The following NR2F1-AS1 variants were observed in gnomAD, a reference collection of about 807,000 sequenced individuals.
NR2F1-AS1 encodes NR2F1 antisense RNA 1.
intron 1 of NR2F1-AS1, among the ~76,000 whole-genome samples, chr5:93,567,626 T>C (rs1007520116): frequency 4.6e-5 from 7 of 152,166 alleles, no homozygotes; most frequent in Non-Finnish European, 1.0e-4. Flanking sequence ...AATCCATCAT[T>C]CAGAGCTGTT....
chr5:93,421,588 A>G (rs1749089783), intron 4 of NR2F1-AS1, among the ~76,000 whole-genome samples: 1 of 152,116 alleles, frequency 6.6e-6, no homozygotes, highest in Non-Finnish European at 1.5e-5. Flanking sequence ...TGAAAGTTAT[A>G]CTGCATTTGG....
intron 2 of NR2F1-AS1, among the ~76,000 whole-genome samples, chr5:93,556,057 C>G (rs1212186770): frequency 6.6e-6 from 1 of 152,164 alleles, no homozygotes; most frequent in African/African-American, 2.4e-5. Flanking sequence ...GCCTTCTTCA[C>G]CACCACAGCT....
chr5:93,581,528 T>C (rs540530181), upstream of NR2F1-AS1, among the ~76,000 whole-genome samples: 1,188 of 152,022 alleles, frequency 7.8e-3, 10 homozygotes, highest in Non-Finnish European at 0.011. Flanking sequence ...CTCGGCTGTG[T>C]GCCGCCCGGG....
chr5:93,514,756 G>T (rs1402250595), intron 4 of NR2F1-AS1, among the ~76,000 whole-genome samples: 1 of 151,952 alleles, frequency 6.6e-6, no homozygotes, highest in Admixed American at 6.6e-5. Flanking sequence ...TAATTTTTTA[G>T]AACTTTAAGC....
intron 1 of NR2F1-AS1, among the ~76,000 whole-genome samples, chr5:93,563,746 CAT>C (rs147676008): frequency 0.029 from 4,460 of 152,150 alleles, 210 homozygotes; most frequent in African/African-American, 0.1. Context: ...AGCTGACGAA[CAT>C]GTAAGATAAT....
At chr5:93,531,539 T>C (rs901574847) in intron 4 of NR2F1-AS1, among the ~76,000 whole-genome samples, 1 of 152,246 alleles carries the variant, frequency 6.6e-6, no homozygotes, top group African/African-American at 2.4e-5. Flanking sequence ...GGTGATTTCC[T>C]TGTAAATGAT....
chr5:93,572,683 C>A (rs998349856), intron 1 of NR2F1-AS1, among the ~76,000 whole-genome samples: 1 of 152,244 alleles, frequency 6.6e-6, no homozygotes, highest in Non-Finnish European at 1.5e-5. Context: ...CTTTTCCCCC[C>A]ACCGAGCAAA....
At chr5:93,562,817 G>A (rs1752524707) in intron 2 of NR2F1-AS1, among the ~76,000 whole-genome samples, 1 of 152,136 alleles carries the variant, frequency 6.6e-6, no homozygotes, top group Non-Finnish European at 1.5e-5. Flanking sequence ...CCTTAAGCAT[G>A]ATAAAAACTC....
chr5:93,440,009 C>T (rs1342127663), intron 4 of NR2F1-AS1, among the ~76,000 whole-genome samples: 1 of 152,076 alleles, frequency 6.6e-6, no homozygotes, highest in South Asian at 2.1e-4. Context: ...ATAATAGACA[C>T]CCAATCAGTA....
chr5:93,503,881 T>C (rs1640242699), intron 4 of NR2F1-AS1, among the ~76,000 whole-genome samples: 3 of 148,668 alleles, frequency 2.0e-5, no homozygotes, highest in Admixed American at 6.6e-5. Flanking sequence ...TATTGCTTTG[T>C]ATCCTTTGCT....
chr5:93,575,019 G>C (rs1752865317), intron 1 of NR2F1-AS1, among the ~76,000 whole-genome samples: 2 of 152,244 alleles, frequency 1.3e-5, no homozygotes, highest in Admixed American at 6.5e-5. Context: ...TGCAGCCTGG[G>C]GGGGTGTCCC....
At chr5:93,490,326 A>G (rs1261143903) in intron 4 of NR2F1-AS1, among the ~76,000 whole-genome samples, 1 of 152,232 alleles carries the variant, frequency 6.6e-6, no homozygotes, top group African/African-American at 2.4e-5. Context: ...TATTTGGGCT[A>G]TCTACTATGT....
intron 4 of NR2F1-AS1, among the ~76,000 whole-genome samples, chr5:93,487,644 A>G (rs1349620399): frequency 6.6e-6 from 1 of 152,218 alleles, no homozygotes; most frequent in Admixed American, 6.5e-5. Context: ...GGAAGAATCA[A>G]TATCATGAAA....
At chr5:93,532,223 A>C (rs1751750477) in intron 4 of NR2F1-AS1, among the ~76,000 whole-genome samples, 1 of 152,204 alleles carries the variant, frequency 6.6e-6, no homozygotes, top group South Asian at 2.1e-4. Flanking sequence ...CTGTTTTATA[A>C]AACATACTTT....
At chr5:93,421,770 T>C (rs1694866071) in intron 4 of NR2F1-AS1, among the ~76,000 whole-genome samples, 1 of 152,210 alleles carries the variant, frequency 6.6e-6, no homozygotes, top group South Asian at 2.1e-4. Context: ...TGGATGCCGC[T>C]GAGATTGGTT....
upstream of NR2F1-AS1, chr5:93,585,095 C>T: frequency 2.0e-6 from 2 of 1,003,222 alleles, no homozygotes; most frequent in Non-Finnish European, 2.4e-6. Context: ...GCGGCCCCAA[C>T]CCCGCAGCGC....
chr5:93,459,485 C>CATTGT (rs1194890405), intron 4 of NR2F1-AS1, among the ~76,000 whole-genome samples: 2 of 152,214 alleles, frequency 1.3e-5, no homozygotes, highest in South Asian at 2.1e-4. Context: ...AGAAATGTGG[C>CATTGT]ATATACAACC....
intron 2 of NR2F1-AS1, among the ~76,000 whole-genome samples, chr5:93,560,468 A>G (rs1215221154): frequency 6.6e-6 from 1 of 152,232 alleles, no homozygotes; most frequent in South Asian, 2.1e-4. Context: ...TTTGTCGTTG[A>G]CATTAGTTGG....
At chr5:93,445,579 A>T (rs1477829727) in intron 4 of NR2F1-AS1, among the ~76,000 whole-genome samples, 1 of 151,796 alleles carries the variant, frequency 6.6e-6, no homozygotes, top group Non-Finnish European at 1.5e-5. Flanking sequence ...AAAAAAAAAA[A>T]TCCAAGACCA....
Sources: gnomAD v4.1 joint callset for allele counts (sites outside exome capture counted in the v4.1 genomes callset) on GRCh38, gnomAD v4.1.1 for gene constraint, MANE v1.5 for transcripts, NCBI Gene and HGNC (gene_info 2026-07-23, HGNC 2026-07-21) for gene names.